Variants in PAFAH1B2 observed in about 807,000 individuals in gnomAD.
PAFAH1B2 encodes platelet-activating factor acetylhydrolase IB subunit alpha2.
PAFAH1B2 carries 8 observed loss-of-function variants against 28.0 expected under a neutral mutation model. The ratio of observed to expected loss-of-function variants is 0.29; its 90% CI spans 0.17 to 0.52. The LOEUF (loss-of-function observed/expected upper bound fraction) is 0.52. Among genes scored for constraint, PAFAH1B2 ranks in the 20% least tolerant of loss-of-function variants. PAFAH1B2 has a pLI of 0.97. For missense variants in PAFAH1B2, 190 were observed against 282.6 expected (o/e 0.67, Z 2.35); for synonymous variants, 104 against 103.2 (o/e 1.01, Z -0.05).
At chr11:117,176,016 T>C, downstream of PAFAH1B2, 8 of 1,123,300 alleles carry the variant, frequency 7.1e-6, no homozygotes, top group Non-Finnish European at 1.0e-5. Flanking sequence ...GGAGGGCTCA[T>C]GATGAAGAAA....
Position 117,170,895 on chromosome 11 carries a change from T to C in PAFAH1B2, c.*3196T>C. 9.4e-7 allele frequency: 1 copy of C among 1,060,248 alleles called. No individual in the cohort carries two copies. The highest frequency in any genetic ancestry group is 1.1e-6 in the Non-Finnish European group (1 of 876,044). The allele number at this position is 1,060,248 out of a possible 1,614,324, so 65.7% of individuals were successfully genotyped here. On this transcript the variant is annotated 3_prime_UTR_variant, in exon 6 of 6. Coordinates refer to ENST00000527958, the MANE Select transcript of PAFAH1B2 (RefSeq NM_002572.4). ...TTTTTGGAGAGGGGTCCCCCAGGTT[T>C]CTTGGTGTTCCTGCTTGGGGATCAC... is the stretch of plus-strand genomic sequence containing the variant.
intron 2 of PAFAH1B2, among the ~76,000 whole-genome samples, chr11:117,158,637 G>T (rs900694579): frequency 4.7e-5 from 6 of 128,354 alleles, no homozygotes; most frequent in Non-Finnish European, 7.9e-5. Flanking sequence ...AATAGTTTGT[G>T]GGCTTTTTTT....
Position 117,145,251 on chromosome 11 carries a change from G to A in PAFAH1B2, c.-8+833G>A, listed in dbSNP as rs370899587. ...TCTGGTCTACAGGTTTGATTGACCC[G>A]TTGCGTGGTGACTCATGCTTCTGCT... On this transcript the variant is annotated intron_variant, in intron 1 of 5. Transcript: ENST00000527958. Among the ~76,000 whole-genome samples the A allele has an allele frequency of 5.7e-4, 87 of 152,218 alleles. 4 individuals are homozygous for A. In the South Asian group the frequency reaches 0.018, roughly 31 times the overall value.
chr11:117,164,143 C>G (rs1565271529), intron 5 of PAFAH1B2: 1 of 305,672 alleles, frequency 3.3e-6, no homozygotes, highest in Non-Finnish European at 6.1e-6. Context: ...CGCTGTGGCT[C>G]ACGCCTGTAA....
downstream of PAFAH1B2, chr11:117,171,818 T>C: frequency 1.7e-6 from 2 of 1,185,098 alleles, no homozygotes; most frequent in Non-Finnish European, 2.4e-6. Flanking sequence ...ATTTGCTTTA[T>C]CACTGTTCAC....
downstream of PAFAH1B2, among the ~76,000 whole-genome samples, chr11:117,172,357 TATATATATATATATA>T: frequency 5.6e-4 from 1 of 1,790 alleles, no homozygotes; most frequent in African/African-American, 1.0e-3. Context: ...TTTATATATA[TATATATATATATATA>T]TATATATATA....
At position 117,169,644 on chromosome 11, in the gene PAFAH1B2, A is replaced by G. The variant is rs1956603812; in HGVS notation, c.*1945A>G. On this transcript the variant is annotated 3_prime_UTR_variant, in exon 6 of 6. Coordinates refer to ENST00000527958, the MANE Select transcript of PAFAH1B2 (RefSeq NM_002572.4). ...TTTTGAATGTATCATGTCTTCATTA[A>G]CAACAGAAAATCCACATGGTGTTTA... 1 of 1,052,660 alleles carries G rather than the reference A, an allele frequency of 9.5e-7. No individual in the cohort carries two copies. Among genetic ancestry groups the G allele is most frequent in the Admixed American group, 5.4e-5 (1 of 18,408 alleles). 65.2% of individuals were successfully genotyped at this position (1,052,660 alleles called of 1,614,324 possible). A position where few individuals can be genotyped will look rare whatever the true frequency, so the allele number is the denominator to read the frequency against.
Position 117,163,862 on chromosome 11 carries a change from A to G in PAFAH1B2, c.381A>G (p.Thr127=), listed in dbSNP as rs749988910. ...AGGCCATTGTACAACTTATCAACAC[A>G]AGGCAGCCACAGGCCAAAATCATTG... ...GIEAIVQLIN[T]RQPQAKIIVL... The change falls in exon 5 of 6, where the codon ACA becomes ACG. Residue 127 remains threonine, a synonymous_variant. Coordinates refer to ENST00000527958, the MANE Select transcript of PAFAH1B2 (RefSeq NM_002572.4). The G allele has an allele frequency of 2.0e-5, 33 of 1,613,832 alleles. No homozygotes were observed. The Middle Eastern group carries it at 1.2e-3, about 56-fold the overall frequency.
exon 6 of PAFAH1B2, chr11:117,176,089 T>C (rs2029967995): frequency 1.5e-6 from 1 of 675,750 alleles, no homozygotes; most frequent in Admixed American, 2.4e-5. Context: ...GAAACAGTAC[T>C]GGACCAAGGT....
At position 117,168,312 on chromosome 11, in the gene PAFAH1B2, C is replaced by A; in HGVS notation, c.*613C>A. Reference sequence around the variant, plus strand: ...TAGCAGTGAAAAACAGGTTTTGCCCCAGTAGAGGGATTCTTTGGAGGGTAT... The same window carrying A: ...TAGCAGTGAAAAACAGGTTTTGCCCAAGTAGAGGGATTCTTTGGAGGGTAT... On this transcript the variant is annotated 3_prime_UTR_variant, in exon 6 of 6. Coordinates refer to ENST00000527958, the MANE Select transcript of PAFAH1B2 (RefSeq NM_002572.4). 9.4e-7 allele frequency: 1 copy of A among 1,064,366 alleles called. No individual in the cohort carries two copies. Among genetic ancestry groups the A allele is most frequent in the Non-Finnish European group, 1.1e-6 (1 of 878,734 alleles). 65.9% of individuals were successfully genotyped at this position (1,064,366 alleles called of 1,614,324 possible).
In PAFAH1B2 at chr11:117,168,438, G is replaced by GCC. The variant is rs1956562390; in HGVS notation, c.*740_*741dup. ...CCCCCCTTTCCCCTTCATTCCCCCCGCCACCCCGTTTTTTTTTTTTTTTTT... is the reference window on the plus strand; with the variant it reads ...CCCCCCTTTCCCCTTCATTCCCCCCGCCCCACCCCGTTTTTTTTTTTTTTTTT... On this transcript the variant is annotated 3_prime_UTR_variant, in exon 6 of 6. Coordinates refer to ENST00000527958, the MANE Select transcript of PAFAH1B2 (RefSeq NM_002572.4). The GCC allele has an allele frequency of 3.3e-6, 1 of 303,704 alleles. No homozygotes were observed. Among genetic ancestry groups the GCC allele is most frequent in the South Asian group, 1.5e-4 (1 of 6,460 alleles). 18.8% of individuals were successfully genotyped at this position (303,704 alleles called of 1,614,324 possible).
chr11:117,155,753 C>A (rs1412080001), intron 2 of PAFAH1B2, among the ~76,000 whole-genome samples: 1 of 152,102 alleles, frequency 6.6e-6, no homozygotes, highest in African/African-American at 2.4e-5. Flanking sequence ...ACTGGCAAGT[C>A]TGTCCACAGG....
chr11:117,170,788 T>G lies in PAFAH1B2; in HGVS notation c.*3089T>G. The G allele has an allele frequency of 9.4e-7, 1 of 1,060,650 alleles. No individual in the cohort carries two copies. The highest frequency in any genetic ancestry group is 1.1e-6 in the Non-Finnish European group (1 of 876,322). 65.7% of individuals were successfully genotyped at this position (1,060,650 alleles called of 1,614,324 possible). A position where few individuals can be genotyped will look rare whatever the true frequency, so the allele number is the denominator to read the frequency against. ...CAGTGAAGAAGAAACTAAAAATATA[T>G]GGAAATGAGGAGCATGTCCAAGCTC... On this transcript the variant is annotated 3_prime_UTR_variant, in exon 6 of 6. Coordinates refer to ENST00000527958, the MANE Select transcript of PAFAH1B2 (RefSeq NM_002572.4).
chr11:117,171,513 G>A (rs1295196545), downstream of PAFAH1B2: 3 of 580,686 alleles, frequency 5.2e-6, no homozygotes, highest in East Asian at 8.5e-5. Context: ...TCCAGCCTGG[G>A]CAACAGAGCG....
downstream of PAFAH1B2, chr11:117,175,830 C>G (rs1251053428): frequency 7.3e-7 from 1 of 1,362,820 alleles, no homozygotes; most frequent in Non-Finnish European, 1.0e-6. Context: ...ACTCGAGAGG[C>G]TGTGGCAGAT....
downstream of PAFAH1B2, among the ~76,000 whole-genome samples, chr11:117,172,150 GAGGGGAAA>G (rs1956662562): frequency 6.6e-6 from 1 of 152,000 alleles, no homozygotes; most frequent in East Asian, 1.9e-4. Context: ...ATCTGTACTT[GAGGGGAAA>G]ACTGGACAAA....
downstream of PAFAH1B2, chr11:117,171,564 A>T: frequency 1.4e-6 from 1 of 694,556 alleles, no homozygotes; most frequent in Non-Finnish European, 2.5e-6. Flanking sequence ...CAGTGTTACT[A>T]CAGCATAGAG....
At chr11:117,150,656 A>G (rs1956127557) in intron 1 of PAFAH1B2, among the ~76,000 whole-genome samples, 1 of 152,178 alleles carries the variant, frequency 6.6e-6, no homozygotes, top group African/African-American at 2.4e-5. Flanking sequence ...TTGTGTACTC[A>G]GTAAATATGT....
chr11:117,164,934 G>A (rs893344466), intron 5 of PAFAH1B2, among the ~76,000 whole-genome samples: 1 of 150,412 alleles, frequency 6.6e-6, no homozygotes, highest in African/African-American at 2.4e-5. Context: ...TATTCGGGAG[G>A]CTGAAACAGA....
Sources: allele counts gnomAD v4.1 joint callset (sites outside exome capture counted in the v4.1 genomes callset), GRCh38; gene constraint gnomAD v4.1.1; transcripts MANE v1.5; gene names NCBI Gene and HGNC (gene_info 2026-07-23, HGNC 2026-07-21).